CSNK1D: variants seen among roughly 807,000 people sequenced by gnomAD.
CSNK1D encodes casein kinase 1 delta.
CSNK1D carries 16 observed loss-of-function variants against 46.6 expected under a neutral mutation model. That is an observed-to-expected ratio of 0.34 (90% CI 0.23 to 0.52). The LOEUF is 0.52. Ranked by LOEUF, CSNK1D falls within the 20% of genes least tolerant of loss-of-function variation. The pLI is 0.95. For synonymous variants in CSNK1D, 276 were observed against 228.2 expected (o/e 1.21, Z -1.89); for missense variants, 398 against 578.4 (o/e 0.69, Z 3.20).
intron 1 of CSNK1D, chr17:82,272,142 G>C (rs1224227836): frequency 6.6e-6 from 1 of 152,256 alleles, no homozygotes; most frequent in Admixed American, 6.5e-5. Flanking sequence ...TCCGGAGTTC[G>C]AGACCAGCCT....
chr17:82,250,498 G>A lies in CSNK1D; in HGVS notation c.885+881C>T, dbSNP rs928128307. 9.3e-5 allele frequency: 26 copies of A among 279,176 alleles called. No homozygotes were observed. The highest frequency in any genetic ancestry group is 2.3e-5 in the African/African-American group (1 of 44,384). The allele number at this position is 279,176 out of a possible 1,614,324, so 17.3% of individuals were successfully genotyped here. A position where few individuals can be genotyped will look rare whatever the true frequency, so the allele number is the denominator to read the frequency against. On this transcript the variant is annotated intron_variant, in intron 6 of 8. Coordinates refer to ENST00000314028, the MANE Select transcript of CSNK1D (RefSeq NM_001893.6). This position sits in a 1 kb window ranked among gnomAD's most constrained non-coding sequence, Gnocchi z 4.6. ...CCCGGCAGAGGGACTGATCTGCCCT[G>A]CCGAGTGCACCCCTCCCGGCACCTG...
intron 2 of CSNK1D, among the ~76,000 whole-genome samples, chr17:82,264,534 C>G (rs1302744325): frequency 1.3e-5 from 2 of 152,204 alleles, no homozygotes; most frequent in African/African-American, 4.8e-5. Flanking sequence ...GCTCGCAGAA[C>G]TGGGACAGTA....
At position 82,273,162 on chromosome 17, in the gene CSNK1D, G is replaced by A; in HGVS notation, c.76+144C>T. The A allele has an allele frequency of 2.2e-5, 16 of 727,974 alleles. No individual in the cohort carries two copies. Among genetic ancestry groups the A allele is most frequent in the South Asian group, 3.4e-5 (2 of 57,978 alleles). 45.1% of individuals were successfully genotyped at this position (727,974 alleles called of 1,614,324 possible). The stretch of plus-strand genomic sequence containing the variant: ...CCCTGGCCGCGCTAGCCTAGTGGCC[G>A]TTGGGTTCTGGCCACGATCCGGCGG... On this transcript the variant is annotated intron_variant, in intron 1 of 8. Coordinates refer to ENST00000314028, the MANE Select transcript of CSNK1D (RefSeq NM_001893.6). The surrounding 1 kb of genome is among the most constrained non-coding windows in gnomAD (Gnocchi z 5.1).
intron 1 of CSNK1D, among the ~76,000 whole-genome samples, chr17:82,271,496 T>C (rs566180730): frequency 2.0e-5 from 3 of 152,230 alleles, no homozygotes; most frequent in Non-Finnish European, 4.4e-5. Context: ...ACGACTTCCA[T>C]TGACCAAGCA....
At chr17:82,242,387 G>A (rs1273495168), downstream of CSNK1D, among the ~76,000 whole-genome samples, 5 of 152,184 alleles carry the variant, frequency 3.3e-5, no homozygotes, top group Non-Finnish European at 5.9e-5. Context: ...GGTGCCGCCC[G>A]AGAAGGCAGG....
At chr17:82,259,857 C>G (rs2051277998) in intron 2 of CSNK1D, among the ~76,000 whole-genome samples, 1 of 152,248 alleles carries the variant, frequency 6.6e-6, no homozygotes, top group East Asian at 1.9e-4. Context: ...TTCATGTATT[C>G]AAAAGACTAT....
chr17:82,258,951 A>G (rs1317384217), intron 2 of CSNK1D, among the ~76,000 whole-genome samples: 1 of 152,202 alleles, frequency 6.6e-6, no homozygotes, highest in Non-Finnish European at 1.5e-5. Flanking sequence ...TCTTCTTCAC[A>G]AGTGTTTTAA....
chr17:82,244,898 AGT>A lies in CSNK1D; in HGVS notation c.1198-69_1198-68del. Reference sequence around the variant, plus strand: ...GGGGAGCCGGCCAGGCAGATACCACAGTGACGGTGCTGGGCAGGGAGGGGACG... The same window carrying A: ...GGGGAGCCGGCCAGGCAGATACCACAGACGGTGCTGGGCAGGGAGGGGACG... On this transcript the variant is annotated intron_variant, in intron 8 of 8. Transcript: ENST00000314028. 5 of 1,607,062 alleles carry A rather than the reference AGT, an allele frequency of 3.1e-6. No homozygotes were observed. In the South Asian group the frequency reaches 4.4e-5, roughly 14 times the overall value.
chr17:82,248,281 G>A lies in CSNK1D; in HGVS notation c.1197+594C>T. On this transcript the variant is annotated intron_variant, in intron 8 of 8. Coordinates refer to ENST00000314028, the MANE Select transcript of CSNK1D (RefSeq NM_001893.6). This position sits in a 1 kb window ranked among gnomAD's most constrained non-coding sequence, Gnocchi z 4.1. The stretch of plus-strand genomic sequence containing the variant: ...AAAAGACAACAAAAGCCAGAGCGAG[G>A]AGAGGAGAGACCGCTGCAGGATGCT... 1 of 986,990 alleles carries A rather than the reference G, an allele frequency of 1.0e-6. No individual in the cohort carries two copies. The highest frequency in any genetic ancestry group is 1.2e-6 in the Non-Finnish European group (1 of 830,934). The allele number at this position is 986,990 out of a possible 1,614,324, so 61.1% of individuals were successfully genotyped here. A position where few individuals can be genotyped will look rare whatever the true frequency, so the allele number is the denominator to read the frequency against.
chr17:82,267,565 G>A (rs1422272055), intron 1 of CSNK1D, among the ~76,000 whole-genome samples: 1 of 152,212 alleles, frequency 6.6e-6, no homozygotes, highest in Non-Finnish European at 1.5e-5. Context: ...TATCAACAGA[G>A]ACTCTTCAGA....
At chr17:82,262,946 A>G (rs979897265) in intron 2 of CSNK1D, among the ~76,000 whole-genome samples, 1 of 152,204 alleles carries the variant, frequency 6.6e-6, no homozygotes, top group African/African-American at 2.4e-5. Context: ...TTGGGAGGCC[A>G]AGGTGGGCAG....
intron 2 of CSNK1D, among the ~76,000 whole-genome samples, chr17:82,256,624 A>G (rs1181525263): frequency 6.6e-6 from 1 of 152,228 alleles, no homozygotes; most frequent in Non-Finnish European, 1.5e-5. Context: ...AGAGAGATGG[A>G]AAACACATGC....
rs2050795544 is a variant in CSNK1D at position 82,244,313 on chromosome 17, T to C, written c.*468A>G. 4 of 1,083,738 alleles carry C rather than the reference T, an allele frequency of 3.7e-6. No homozygotes were observed. In the African/African-American group the frequency reaches 6.6e-5, roughly 18 times the overall value. 67.1% of individuals were successfully genotyped at this position (1,083,738 alleles called of 1,614,324 possible). ...CTGTCTCAGAATTCCTTAGTCAACA[T>C]TTTTTTTGTAAGACTGCAAAAACAG... On this transcript the variant is annotated 3_prime_UTR_variant, in exon 9 of 9. Transcript: ENST00000314028.
At chr17:82,247,300 G>A in intron 8 of CSNK1D, 1 of 985,418 alleles carries the variant, frequency 1.0e-6, no homozygotes, top group Non-Finnish European at 1.2e-6. Context: ...GGGGGCTGGT[G>A]GCTACAACAG....
rs1309417861 is a variant in CSNK1D at position 82,248,644 on chromosome 17, T to C, written c.1197+231A>G. The stretch of plus-strand genomic sequence containing the variant: ...TTGCTGGCCTCAGGGACCTGAGACC[T>C]GAGACTGGCCACCTGCAACCAGGAG... On this transcript the variant is annotated intron_variant, in intron 8 of 8. Coordinates refer to ENST00000314028, the MANE Select transcript of CSNK1D (RefSeq NM_001893.6). The surrounding 1 kb of genome is among the most constrained non-coding windows in gnomAD (Gnocchi z 4.1). 2.9e-5 allele frequency: 40 copies of C among 1,384,722 alleles called. No homozygotes were observed. Among genetic ancestry groups the C allele is most frequent in the Non-Finnish European group, 3.7e-5 (39 of 1,067,420 alleles). The allele number at this position is 1,384,722 out of a possible 1,614,324, so 85.8% of individuals were successfully genotyped here.
intron 2 of CSNK1D, among the ~76,000 whole-genome samples, chr17:82,262,485 T>C (rs1291085956): frequency 6.6e-6 from 1 of 152,234 alleles, no homozygotes; most frequent in Non-Finnish European, 1.5e-5. Flanking sequence ...AGCTTTCTCC[T>C]GGAAGGCAGC....
downstream of CSNK1D, among the ~76,000 whole-genome samples, chr17:82,240,314 G>A (rs7405631): frequency 6.6e-6 from 1 of 152,138 alleles, no homozygotes; most frequent in African/African-American, 2.4e-5. Flanking sequence ...GCTGAAGGGA[G>A]AAAGACGAGG....
downstream of CSNK1D, chr17:82,240,152 G>C (rs923836730): frequency 3.0e-6 from 3 of 996,942 alleles, no homozygotes; most frequent in African/African-American, 1.7e-5. Context: ...TTGAGCTCTT[G>C]CAGCCCAGGC....
In CSNK1D at chr17:82,248,238, G is replaced by A. The variant is rs931626648; in HGVS notation, c.1197+637C>T. ...ATGGAGAAAGCTGTTCTAGTTCAAAGAGCACGTTAGCAAACGCAAAAGACA... is the reference window on the plus strand; with the variant it reads ...ATGGAGAAAGCTGTTCTAGTTCAAAAAGCACGTTAGCAAACGCAAAAGACA... On this transcript the variant is annotated intron_variant, in intron 8 of 8. Coordinates refer to ENST00000314028, the MANE Select transcript of CSNK1D (RefSeq NM_001893.6). The surrounding 1 kb of genome is among the most constrained non-coding windows in gnomAD (Gnocchi z 4.1). The A allele has an allele frequency of 1.0e-6, 1 of 986,034 alleles. No homozygotes were observed. The highest frequency in any genetic ancestry group is 1.7e-5 in the African/African-American group (1 of 57,264). The allele number at this position is 986,034 out of a possible 1,614,324, so 61.1% of individuals were successfully genotyped here.
Sources: gnomAD v4.1 joint callset for allele counts (sites outside exome capture counted in the v4.1 genomes callset) on GRCh38, gnomAD v4.1.1 for gene constraint, Gnocchi (gnomAD v3.1) non-coding constraint, MANE v1.5 for transcripts, NCBI Gene and HGNC (gene_info 2026-07-23, HGNC 2026-07-21) for gene names.